Variants in LHX4 observed in about 807,000 individuals in gnomAD.
The protein encoded by LHX4 is LIM/homeobox protein Lhx4.
A neutral mutation model predicts 39.2 loss-of-function variants in LHX4; 16 were observed. That is an observed-to-expected ratio of 0.41 (90% CI 0.28 to 0.62). LHX4 has a LOEUF of 0.62. Among genes scored for constraint, LHX4 ranks in the 20% least tolerant of loss-of-function variants. The probability of loss-of-function intolerance (pLI) is 0.33; values close to 1 mark genes in which losing one functional copy is unlikely to be tolerated. For synonymous variants in LHX4, 206 were observed against 198.1 expected (o/e 1.04, Z -0.33); for missense variants, 439 against 511.9 (o/e 0.86, Z 1.37).
intron 2 of LHX4, among the ~76,000 whole-genome samples, chr1:180,264,111 C>A (rs1220282434): frequency 6.6e-6 from 1 of 152,040 alleles, no homozygotes; most frequent in African/African-American, 2.4e-5. Context: ...ACTACAGGTG[C>A]ACACCACTAC....
In LHX4 at chr1:180,232,214, GGT is replaced by G. The variant is rs148395866; in HGVS notation, c.76+1620_76+1621del. 6.6e-6 allele frequency among the ~76,000 whole-genome samples: 1 copy of G among 152,020 alleles called. No homozygotes were observed. Among genetic ancestry groups the G allele is most frequent in the African/African-American group, 2.4e-5 (1 of 41,380 alleles). ...GAGGAGACTGCATGAGTGGGGGAAG[GGT>G]GTGTGTGTGTTACTAGTGTCCTTGG... On this transcript the variant is annotated intron_variant, in intron 1 of 5. Transcript: ENST00000263726. This position sits in a 1 kb window ranked among gnomAD's most constrained non-coding sequence, Gnocchi z 5.4.
rs1444199498 is a variant in LHX4 at position 180,238,564 on chromosome 1, CTCTT to C, written c.76+7965_76+7968del. Among the ~76,000 whole-genome samples, 45 of 152,224 alleles carry C rather than the reference CTCTT, an allele frequency of 3.0e-4. 1 individual carries two copies. Among genetic ancestry groups the C allele is most frequent in the African/African-American group, 4.6e-4 (19 of 41,534 alleles). ...TAATATTTTTGTGGCTGGCCCAGCT[CTCTT>C]TCTTTAATGCTGCTGTCATCATTGA... On this transcript the variant is annotated intron_variant, in intron 1 of 5. Transcript: ENST00000263726.
upstream of LHX4, among the ~76,000 whole-genome samples, chr1:180,229,585 G>A (rs1022599093): frequency 2.6e-5 from 4 of 152,264 alleles, no homozygotes; most frequent in African/African-American, 9.6e-5. Context: ...CAGGGGCTGG[G>A]AAGTGCCGGC....
rs1558224110 is a variant in LHX4 at position 180,271,410 on chromosome 1, G to A, written c.482G>A (p.Arg161Gln). ...TCAGAGGCTGGAGCTAAGCGGCCCC[G>A]GACCACCATCACAGCCAAGCAGCTG... ...DDSEAGAKRP[R>Q]TTITAKQLET... The change falls in exon 4 of 6, where the codon CGG becomes CAG. Residue 161 changes from arginine (R) to glutamine (Q), a missense_variant. By Grantham distance (43) the Arg-to-Gln change is conservative. Transcript: ENST00000263726. 6.2e-7 allele frequency: 1 copy of A among 1,614,142 alleles called. No homozygotes were observed. Among genetic ancestry groups the A allele is most frequent in the Non-Finnish European group, 8.5e-7 (1 of 1,180,028 alleles).
intron 1 of LHX4, among the ~76,000 whole-genome samples, chr1:180,247,726 T>C (rs1647443291): frequency 6.6e-6 from 1 of 152,188 alleles, no homozygotes; most frequent in African/African-American, 2.4e-5. Context: ...TTCATTAAAA[T>C]ATTGAGATTT....
intron 1 of LHX4, among the ~76,000 whole-genome samples, chr1:180,245,037 C>T (rs951976106): frequency 2.0e-5 from 3 of 152,210 alleles, no homozygotes; most frequent in Non-Finnish European, 4.4e-5. Flanking sequence ...TTCCTGCTGG[C>T]TCTGCATGCC....
intron 1 of LHX4, among the ~76,000 whole-genome samples, chr1:180,240,281 A>G (rs938682231): frequency 4.6e-5 from 7 of 152,152 alleles, no homozygotes; most frequent in Admixed American, 1.3e-4. Context: ...TAATCCTCTC[A>G]CCTTGGCCTC....
intron 2 of LHX4, among the ~76,000 whole-genome samples, chr1:180,262,412 A>G (rs113964289): frequency 5.9e-5 from 9 of 152,016 alleles, no homozygotes; most frequent in Non-Finnish European, 1.3e-4. Context: ...CTCATCAGCT[A>G]TGGCTTCTGT....
rs1215208512 is a variant in LHX4 at position 180,274,201 on chromosome 1, A to T, written c.795A>T (p.Ser265=). 1.2e-6 allele frequency: 2 copies of T among 1,614,124 alleles called. No homozygotes were observed. The highest frequency in any genetic ancestry group is 2.7e-5 in the African/African-American group (2 of 74,936). ...TGTCCACAGAGGATCAAATTCTCTC[A>T]GAACTTGGCCACACCAATAGGATTT... ...ELSFREDQIL[S]ELGHTNRIYG... Residue 265 remains serine (S), a synonymous_variant, in exon 6 of 6, where the codon TCA becomes TCT. Transcript: ENST00000263726.
chr1:180,247,165 A>C (rs890211313), intron 1 of LHX4, among the ~76,000 whole-genome samples: 13 of 152,214 alleles, frequency 8.5e-5, no homozygotes, highest in Non-Finnish European at 1.6e-4. Flanking sequence ...GTAGATGTTG[A>C]AACAGTCAGT....
rs79779421 is a variant in LHX4, at chr1:180,230,928, C to G, written c.76+323C>G. On this transcript the variant is annotated intron_variant, in intron 1 of 5. Transcript: ENST00000263726. This position sits in a 1 kb window ranked among gnomAD's most constrained non-coding sequence, Gnocchi z 5.8. ...CCAGGGGTACGAGCTGTAGGCCAGG[C>G]CTGAGGGCGAGGGTGGTCCCCACAA... is the stretch of plus-strand genomic sequence containing the variant. Among the ~76,000 whole-genome samples, 2 of 152,162 alleles carry G rather than the reference C, an allele frequency of 1.3e-5. No homozygotes were observed. The highest frequency in any genetic ancestry group is 4.8e-5 in the African/African-American group (2 of 41,422).
intron 3 of LHX4, among the ~76,000 whole-genome samples, chr1:180,267,358 G>T (rs1452098116): frequency 2.6e-5 from 4 of 152,280 alleles, no homozygotes; most frequent in Non-Finnish European, 4.4e-5. Context: ...CGCCTGGAAA[G>T]GCCTAGCTTG....
intron 2 of LHX4, among the ~76,000 whole-genome samples, chr1:180,265,842 C>CA (rs1558220171): frequency 6.6e-6 from 1 of 152,096 alleles, no homozygotes; most frequent in East Asian, 1.9e-4. Context: ...GGAGAGAGAA[C>CA]AGCTGTCAGG....
At position 180,278,004 on chromosome 1, in the gene LHX4, T is replaced by A. The variant is rs1649142569; in HGVS notation, c.*3425T>A. 1 of 152,172 alleles carries A rather than the reference T, an allele frequency of 6.6e-6. No homozygotes were observed. The highest frequency in any genetic ancestry group is 2.4e-5 in the African/African-American group (1 of 41,436). The allele number at this position is 152,172 out of a possible 1,614,324, so 9.4% of individuals were successfully genotyped here. On this transcript the variant is annotated 3_prime_UTR_variant, in exon 6 of 6. Coordinates refer to ENST00000263726, the MANE Select transcript of LHX4 (RefSeq NM_033343.4). The stretch of plus-strand genomic sequence containing the variant: ...CAAAAGACATTCCTATCTCAGAAGC[T>A]CAAACTGGTGATTTCCAACTGCCTC...
Position 180,278,798 on chromosome 1 carries a change from G to GAAAT in LHX4, c.*4220_*4223dup, listed in dbSNP as rs1393022164. The GAAAT allele has an allele frequency of 6.9e-6, 1 of 145,544 alleles. No individual in the cohort carries two copies. Among genetic ancestry groups the GAAAT allele is most frequent in the Non-Finnish European group, 1.5e-5 (1 of 64,874 alleles). 9.0% of individuals were successfully genotyped at this position (145,544 alleles called of 1,614,324 possible). On this transcript the variant is annotated 3_prime_UTR_variant, in exon 6 of 6. Transcript: ENST00000263726. Reference sequence around the variant, plus strand: ...AATGTAAATTTTGTACAGTTAAAGAGAAATGAAGTCTCGTTTCCTGGGGAA... The same window carrying GAAAT: ...AATGTAAATTTTGTACAGTTAAAGAGAAATAAATGAAGTCTCGTTTCCTGGGGAA...
At chr1:180,258,209 G>A (rs1647950426) in intron 2 of LHX4, among the ~76,000 whole-genome samples, 1 of 152,226 alleles carries the variant, frequency 6.6e-6, no homozygotes, top group Non-Finnish European at 1.5e-5. Context: ...AGGGAAGGAA[G>A]TGCTGAGGGG....
upstream of LHX4, among the ~76,000 whole-genome samples, chr1:180,229,978 C>CGG (rs1491206552): frequency 1.2e-4 from 9 of 74,898 alleles, no homozygotes; most frequent in Non-Finnish European, 2.1e-4. Context: ...GGGGGGGGTG[C>CGG]CGGCTTGCGA....
intron 3 of LHX4, chr1:180,270,987 AT>A (rs1418117272): frequency 3.2e-6 from 1 of 315,160 alleles, no homozygotes; most frequent in African/African-American, 2.2e-5. Flanking sequence ...GACTTTGAAC[AT>A]GACTTCAACC....
At chr1:180,246,969 C>A (rs1388804329) in intron 1 of LHX4, among the ~76,000 whole-genome samples, 1 of 152,178 alleles carries the variant, frequency 6.6e-6, no homozygotes, top group Non-Finnish European at 1.5e-5. Flanking sequence ...GGGTGGTAAA[C>A]CCTGGGGTTG....
Sources: allele counts gnomAD v4.1 joint callset (sites outside exome capture counted in the v4.1 genomes callset), GRCh38; gene constraint gnomAD v4.1.1; non-coding constraint Gnocchi (gnomAD v3.1); transcripts MANE v1.5; gene names NCBI Gene and HGNC (gene_info 2026-07-23, HGNC 2026-07-21).